Variants in FXYD2 observed in about 807,000 individuals in gnomAD.
The protein encoded by FXYD2 is FXYD domain containing ion transport regulator 2, also known as sodium/potassium-transporting ATPase subunit gamma.
In FXYD2, 8 loss-of-function variants were observed where a neutral mutation model predicts 11.8. The ratio of observed to expected loss-of-function variants is 0.68; its 90% confidence interval spans 0.40 to 1.22. The LOEUF (loss-of-function observed/expected upper bound fraction) is 1.22. FXYD2 is among the 50% of genes most tolerant of loss of function. FXYD2 has a pLI of 0.01. For missense variants in FXYD2, 92 were observed against 91.8 expected, an observed-to-expected ratio of 1.00 and a Z score of -0.01; for synonymous variants, 42 against 33.3, an observed-to-expected ratio of 1.26 and a Z score of -0.90.
At position 117,822,726 on chromosome 11, in the gene FXYD2, G is replaced by T. The variant is rs531015300; in HGVS notation, c.26-9C>A. ...CCCCTTGGGGCTGCCGCCTAGGAGA[G>T]AGCCAGAGGTGGGATGAGAGGAGTC... On this transcript the variant is annotated splice_polypyrimidine_tract_variant and intron_variant, in intron 1 of 5. Transcript: ENST00000292079. This position sits in a 1 kb window ranked among gnomAD's most constrained non-coding sequence, Gnocchi z 4.7. 6.2e-7 allele frequency: 1 copy of T among 1,608,842 alleles called. No individual in the cohort carries two copies. Among genetic ancestry groups the T allele is most frequent in the Non-Finnish European group, 8.5e-7 (1 of 1,178,828 alleles).
chr11:117,826,770 GTCTGTCTGTCTATCTATCTATCTA>G (rs1459386442), upstream of FXYD2, among the ~76,000 whole-genome samples: 30 of 134,466 alleles, frequency 2.2e-4, 1 homozygote, highest in South Asian at 3.8e-3. Flanking sequence ...CTGTCTGTCT[GTCTGTCTGTCTATCTATCTATCTA>G]TCTATCTATC....
Position 117,821,328 on chromosome 11 carries a change from C to T in FXYD2, c.140-433G>A, listed in dbSNP as rs117411888. Reference sequence around the variant, plus strand: ...CTCCTGCCTTGGCCTCCTAATATGCCGGCATTACAGGCATGAGCCACCACG... The same window carrying T: ...CTCCTGCCTTGGCCTCCTAATATGCTGGCATTACAGGCATGAGCCACCACG... On this transcript the variant is annotated intron_variant, in intron 3 of 5. Transcript: ENST00000292079. 3.8e-4 allele frequency: 370 copies of T among 985,248 alleles called. 1 individual carries two copies. In the East Asian group the frequency reaches 0.023, roughly 60 times the overall value. 61.0% of individuals were successfully genotyped at this position (985,248 alleles called of 1,614,324 possible).
intron 3 of FXYD2, chr11:117,821,343 G>C (rs943567693): frequency 1.0e-6 from 1 of 989,610 alleles, no homozygotes; most frequent in South Asian, 4.6e-5. Context: ...TTACAGGCAT[G>C]AGCCACCACG....
At chr11:117,827,830 G>A (rs1298994755), upstream of FXYD2, among the ~76,000 whole-genome samples, 1 of 152,194 alleles carries the variant, frequency 6.6e-6, no homozygotes, top group African/African-American at 2.4e-5. Context: ...CGTTACAGCA[G>A]GCCAGTGACT....
chr11:117,820,793 A>C, intron 4 of FXYD2, 66 bp downstream of exon 4: 1 of 1,613,586 alleles, frequency 6.2e-7, no homozygotes, highest in Non-Finnish European at 8.5e-7. Context: ...TCAGAGACAA[A>C]ATCCTCAGCC....
Position 117,824,477 on chromosome 11 carries a change from C to T in FXYD2, c.25+177G>A. 1.5e-6 allele frequency: 1 copy of T among 673,748 alleles called. No individual in the cohort carries two copies. Among genetic ancestry groups the T allele is most frequent in the South Asian group, 1.6e-5 (1 of 63,028 alleles). The allele number at this position is 673,748 out of a possible 1,614,324, so 41.7% of individuals were successfully genotyped here. On this transcript the variant is annotated intron_variant, in intron 1 of 5. Transcript: ENST00000292079. This position sits in a 1 kb window ranked among gnomAD's most constrained non-coding sequence, Gnocchi z 4.0. Reference sequence around the variant, plus strand: ...TCTTTCTTTGGGGTTAAAGCAGGGTCCTCCTTTAAGTTGCAAATTTTCTTA... The same window carrying T: ...TCTTTCTTTGGGGTTAAAGCAGGGTTCTCCTTTAAGTTGCAAATTTTCTTA...
At chr11:117,827,114 AG>A (rs2056060195), upstream of FXYD2, among the ~76,000 whole-genome samples, 1 of 151,758 alleles carries the variant, frequency 6.6e-6, no homozygotes, top group Non-Finnish European at 1.5e-5. Flanking sequence ...ATAGATAGAT[AG>A]ATAGATAGAT....
chr11:117,824,251 G>C lies in FXYD2; in HGVS notation c.25+403C>G. 1 of 312,344 alleles carries C rather than the reference G, an allele frequency of 3.2e-6. No homozygotes were observed. Among genetic ancestry groups the C allele is most frequent in the South Asian group, 3.9e-5 (1 of 25,850 alleles). The allele number at this position is 312,344 out of a possible 1,614,324, so 19.3% of individuals were successfully genotyped here. A position where few individuals can be genotyped will look rare whatever the true frequency, so the allele number is the denominator to read the frequency against. On this transcript the variant is annotated intron_variant, in intron 1 of 5. Transcript: ENST00000292079. The surrounding 1 kb of genome is among the most constrained non-coding windows in gnomAD (Gnocchi z 4.0). ...GGAGAGTGTGACTTGAACTTGGCGG[G>C]CTCTCACCCCAAATCCAGCCTAGGA...
chr11:117,821,253 G>T, intron 3 of FXYD2: 1 of 713,796 alleles, frequency 1.4e-6, no homozygotes, highest in Non-Finnish European at 1.7e-6. Flanking sequence ...TATAGATCGG[G>T]TCTCACTGTA....
rs760295629 is a variant in FXYD2, at chr11:117,822,590, C to G, written c.64+89G>C. The G allele has an allele frequency of 6.4e-7, 1 of 1,572,522 alleles. No homozygotes were observed. The highest frequency in any genetic ancestry group is 8.6e-7 in the Non-Finnish European group (1 of 1,159,066). On this transcript the variant is annotated intron_variant, in intron 2 of 5. Transcript: ENST00000292079. This position sits in a 1 kb window ranked among gnomAD's most constrained non-coding sequence, Gnocchi z 4.7. The stretch of plus-strand genomic sequence containing the variant: ...TGGTAACCAGGGGAGATAAGGGGCA[C>G]AGAGCATGGACCTGGGGCTGGGAGA...
At chr11:117,827,963 C>T (rs1392206461), upstream of FXYD2, 1 of 1,400,590 alleles carries the variant, frequency 7.1e-7, no homozygotes, top group Admixed American at 2.0e-5. Context: ...AGAGCCTGAG[C>T]AGGGAGGAGG....
Position 117,822,210 on chromosome 11 carries a change from A to G in FXYD2, c.139+196T>C, listed in dbSNP as rs1341407964. 4.8e-6 allele frequency: 7 copies of G among 1,471,630 alleles called. No homozygotes were observed. The highest frequency in any genetic ancestry group is 6.3e-6 in the Non-Finnish European group (7 of 1,110,450). 91.2% of individuals were successfully genotyped at this position (1,471,630 alleles called of 1,614,324 possible). ...CCGGGCCCACTGGAGGGTGCACTTG[A>G]GCAAGCAGGAACCTCACACTGTGCT... On this transcript the variant is annotated intron_variant, in intron 3 of 5. Coordinates refer to ENST00000292079, the MANE Select transcript of FXYD2 (RefSeq NM_001680.5). This position sits in a 1 kb window ranked among gnomAD's most constrained non-coding sequence, Gnocchi z 4.7.
upstream of FXYD2, among the ~76,000 whole-genome samples, chr11:117,825,662 C>T (rs965870988): frequency 2.0e-5 from 3 of 152,166 alleles, no homozygotes; most frequent in African/African-American, 7.2e-5. Flanking sequence ...CCTCCTGCTG[C>T]AGGAGGCAGA....
At position 117,822,088 on chromosome 11, in the gene FXYD2, T is replaced by G; in HGVS notation, c.139+318A>C. 7.6e-7 allele frequency: 1 copy of G among 1,307,810 alleles called. No individual in the cohort carries two copies. The highest frequency in any genetic ancestry group is 1.5e-5 in the South Asian group (1 of 64,638). The allele number at this position is 1,307,810 out of a possible 1,614,324, so 81.0% of individuals were successfully genotyped here. A position where few individuals can be genotyped will look rare whatever the true frequency, so the allele number is the denominator to read the frequency against. On this transcript the variant is annotated intron_variant, in intron 3 of 5. Coordinates refer to ENST00000292079, the MANE Select transcript of FXYD2 (RefSeq NM_001680.5). This position sits in a 1 kb window ranked among gnomAD's most constrained non-coding sequence, Gnocchi z 4.7. ...GATCATCCCTATTTAACAAATGAGTTTGGGACCATGGTTAGCAGCGGGGGG... is the reference window on the plus strand; with the variant it reads ...GATCATCCCTATTTAACAAATGAGTGTGGGACCATGGTTAGCAGCGGGGGG...
chr11:117,824,625 C>T lies in FXYD2; in HGVS notation c.25+29G>A, dbSNP rs3824943. 122,582 of 1,594,040 alleles carry T rather than the reference C, an allele frequency of 0.077. 5,038 individuals are homozygous for T. The highest frequency in any genetic ancestry group is 0.1 in the South Asian group (9,092 of 90,584). On this transcript the variant is annotated intron_variant, in intron 1 of 5. Transcript: ENST00000292079. The surrounding 1 kb of genome is among the most constrained non-coding windows in gnomAD (Gnocchi z 4.0). The stretch of plus-strand genomic sequence containing the variant: ...AATCAGAGCCACCCAGCATTGCACA[C>T]GCCCGGGCACGCACACCAGCACACT...
chr11:117,823,154 A>C (rs2055951863), intron 1 of FXYD2, among the ~76,000 whole-genome samples: 2 of 152,208 alleles, frequency 1.3e-5, no homozygotes, highest in Admixed American at 1.3e-4. Context: ...TATCAGACAG[A>C]AGGAGGAAGC....
In FXYD2 at chr11:117,820,912, G is replaced by T. The variant is rs1453827036; in HGVS notation, c.140-17C>A. 1.2e-6 allele frequency: 2 copies of T among 1,613,992 alleles called. No homozygotes were observed. Among genetic ancestry groups the T allele is most frequent in the Non-Finnish European group, 1.7e-6 (2 of 1,180,008 alleles). ...ATCTTCTGCCTTGAAAAGAGAAAAG[G>T]AGATTTGTTTCCATGGACTAATTTT... On this transcript the variant is annotated splice_polypyrimidine_tract_variant and intron_variant, in intron 3 of 5. Coordinates refer to ENST00000292079, the MANE Select transcript of FXYD2 (RefSeq NM_001680.5).
rs776282287 is a variant in FXYD2 at position 117,822,680 on chromosome 11, A to G, written c.63T>C (p.Tyr21=). 41 of 1,610,380 alleles carry G rather than the reference A, an allele frequency of 2.5e-5. No homozygotes were observed. In the South Asian group the frequency reaches 3.6e-4, roughly 14 times the overall value. The change falls in exon 2 of 6, where the codon TAT becomes TAC. Residue 21 remains tyrosine (Y), a splice_region_variant and synonymous_variant. Coordinates refer to ENST00000292079, the MANE Select transcript of FXYD2 (RefSeq NM_001680.5). The surrounding 1 kb of genome is among the most constrained non-coding windows in gnomAD (Gnocchi z 4.7). The part of the protein sequence containing the change: ...SPKGDVDPFY[Y]DYETVRNGGL... ...GGGTGCGCAGGGGCCCAGGCTTACC[A>G]TAGTAGAACGGGTCCACGTCCCCCT...
At chr11:117,827,492 G>A (rs892053957), upstream of FXYD2, among the ~76,000 whole-genome samples, 1 of 152,120 alleles carries the variant, frequency 6.6e-6, no homozygotes, top group African/African-American at 2.4e-5. Flanking sequence ...CAGATAATCC[G>A]CCCGCCTTGG....
Sources: allele counts gnomAD v4.1 joint callset (sites outside exome capture counted in the v4.1 genomes callset), GRCh38; gene constraint gnomAD v4.1.1; non-coding constraint Gnocchi (gnomAD v3.1); transcripts MANE v1.5; gene names NCBI Gene and HGNC (gene_info 2026-07-23, HGNC 2026-07-21).